Variants in THUMPD2 observed in about 807,000 individuals in gnomAD.
THUMPD2 encodes the protein U6 snRNA (guanine-N(2))-methyltransferase THUMPD2.
A neutral mutation model predicts 49.4 loss-of-function variants in THUMPD2; 56 were observed. The ratio of observed to expected loss-of-function variants is 1.13; its 90% confidence interval spans 0.91 to 1.41. THUMPD2 has a LOEUF of 1.41. Among genes scored for constraint, THUMPD2 ranks in the 40% most tolerant of loss-of-function variants. THUMPD2 has a pLI of 0.00. For synonymous variants in THUMPD2, 237 were observed against 205.2 expected, an observed-to-expected ratio of 1.15 and a Z score of -1.32; for missense variants, 709 against 594.5, an observed-to-expected ratio of 1.19 and a Z score of -2.00.
intron 1 of THUMPD2, among the ~76,000 whole-genome samples, chr2:39,776,025 G>A (rs536071076): frequency 6.6e-6 from 1 of 152,182 alleles, no homozygotes; most frequent in East Asian, 1.9e-4. Flanking sequence ...GACTCTTCTG[G>A]TGAACTGACA....
chr2:39,745,644 G>A (rs745769323), intron 8 of THUMPD2, among the ~76,000 whole-genome samples: 2 of 152,164 alleles, frequency 1.3e-5, no homozygotes, highest in Non-Finnish European at 2.9e-5. Flanking sequence ...TACACACACA[G>A]TACCTACGTA....
intron 1 of THUMPD2, 45 bp downstream of exon 1, chr2:39,779,069 G>A (rs141370494): frequency 4.7e-6 from 7 of 1,474,138 alleles, no homozygotes; most frequent in South Asian, 1.3e-5. Context: ...ACAGGGCAGG[G>A]ACAGGGCCGC....
At chr2:39,776,398 T>A (rs1679098995) in intron 1 of THUMPD2, among the ~76,000 whole-genome samples, 1 of 150,840 alleles carries the variant, frequency 6.6e-6, no homozygotes, top group South Asian at 2.1e-4. Flanking sequence ...TATACTATTT[T>A]TTTTTTTTTT....
intron 8 of THUMPD2, among the ~76,000 whole-genome samples, chr2:39,747,878 T>C (rs1187307654): frequency 6.6e-6 from 1 of 152,198 alleles, no homozygotes; most frequent in Non-Finnish European, 1.5e-5. Flanking sequence ...ATTTAGATGA[T>C]ACAAAATTAA....
At chr2:39,761,482 T>C (rs1676818697) in intron 5 of THUMPD2, 64 bp from the exon 6 acceptor site, 1 of 1,425,702 alleles carries the variant, frequency 7.0e-7, no homozygotes, top group Non-Finnish European at 9.9e-7. Context: ...AAAAATGATT[T>C]ACCTGTCCAA....
rs141968327 is a variant in THUMPD2, at chr2:39,739,056, T to C, written c.1188-1997A>G. On this transcript the variant is annotated intron_variant, in intron 9 of 9. Transcript: ENST00000505747. ...ATCACATATTTGTCTACTTCATTCATAGTTTGCCTGGACCACAGCAACAAT... is the reference window on the plus strand; with the variant it reads ...ATCACATATTTGTCTACTTCATTCACAGTTTGCCTGGACCACAGCAACAAT... Among the ~76,000 whole-genome samples the C allele has an allele frequency of 1.5e-4, 23 of 152,326 alleles. 1 individual carries two copies. Among genetic ancestry groups the C allele is most frequent in the Non-Finnish European group, 2.6e-4 (18 of 68,026 alleles).
At chr2:39,759,884 C>T (rs1307174804) in intron 6 of THUMPD2, among the ~76,000 whole-genome samples, 1 of 152,158 alleles carries the variant, frequency 6.6e-6, no homozygotes, top group Non-Finnish European at 1.5e-5. Flanking sequence ...TTAAATACCA[C>T]ATTTGAGGAA....
At chr2:39,742,746 A>T (rs1302291974) in intron 9 of THUMPD2, among the ~76,000 whole-genome samples, 1 of 152,188 alleles carries the variant, frequency 6.6e-6, no homozygotes, top group African/African-American at 2.4e-5. Context: ...TTTAAGAACT[A>T]CCAATGCTTG....
In THUMPD2 at chr2:39,766,107, G is replaced by C; in HGVS notation, c.753C>G (p.Ile251Met). The C allele has an allele frequency of 6.4e-7, 1 of 1,569,936 alleles. No individual in the cohort carries two copies. Among genetic ancestry groups the C allele is most frequent in the Non-Finnish European group, 8.6e-7 (1 of 1,164,160 alleles). ...AGTAAATGTCATTTAGATGTATAAAGATCTGAAAGAACAAACACAGAAGTT... is the reference window on the plus strand; with the variant it reads ...AGTAAATGTCATTTAGATGTATAAACATCTGAAAGAACAAACACAGAAGTT... The part of the protein sequence containing the change: ...KADLRNPQLE[I>M]FIHLNDIYSV... The change falls in exon 5 of 10, where the codon ATC becomes ATG. Residue 251 changes from isoleucine (I) to methionine (M), a missense_variant and splice_region_variant. Coordinates refer to ENST00000505747, the MANE Select transcript of THUMPD2 (RefSeq NM_025264.5).
At chr2:39,778,403 C>T (rs932095332) in intron 1 of THUMPD2, among the ~76,000 whole-genome samples, 1 of 152,194 alleles carries the variant, frequency 6.6e-6, no homozygotes, top group Non-Finnish European at 1.5e-5. Flanking sequence ...TAGGAGCTGC[C>T]AGGGTGGAGG....
At chr2:39,751,935 C>A (rs566276484) in intron 8 of THUMPD2, among the ~76,000 whole-genome samples, 49 of 152,204 alleles carry the variant, frequency 3.2e-4, no homozygotes, top group African/African-American at 1.1e-3. Flanking sequence ...GATCTGCCTG[C>A]CTCAGCCTTC....
chr2:39,742,477 T>TA (rs1309410394), intron 9 of THUMPD2, among the ~76,000 whole-genome samples: 1 of 152,210 alleles, frequency 6.6e-6, no homozygotes, highest in African/African-American at 2.4e-5. Flanking sequence ...CAGGCTGGTA[T>TA]AATTTACTAG....
At position 39,751,234 on chromosome 2, in the gene THUMPD2, A is replaced by G. The variant is rs917923900; in HGVS notation, c.1078+4061T>C. Among the ~76,000 whole-genome samples the G allele has an allele frequency of 2.0e-5, 3 of 152,268 alleles. No individual in the cohort carries two copies. In the South Asian group the frequency reaches 6.2e-4, roughly 31 times the overall value. On this transcript the variant is annotated intron_variant, in intron 8 of 9. Transcript: ENST00000505747. ...GCCAGCAGAGGCATGACAGGCAGCA[A>G]GGAGAAAACAAACCAGTATGAAAGA...
chr2:39,738,608 T>C (rs1673465859), intron 9 of THUMPD2, among the ~76,000 whole-genome samples: 1 of 135,308 alleles, frequency 7.4e-6, no homozygotes, highest in Admixed American at 7.6e-5. Flanking sequence ...TAAAAATATA[T>C]ATATAATATA....
chr2:39,777,531 T>C lies in THUMPD2; in HGVS notation c.126+1583A>G, dbSNP rs61178440. 6.6e-3 allele frequency among the ~76,000 whole-genome samples: 1,005 copies of C among 152,326 alleles called. 13 individuals are homozygous for C. The highest frequency in any genetic ancestry group is 0.023 in the African/African-American group (943 of 41,570). On this transcript the variant is annotated intron_variant, in intron 1 of 9. Transcript: ENST00000505747. ...TAGGAGTCTTTTGAGGATTAAATCA[T>C]AACATGCACATAACTTGTCTAACAT...
At chr2:39,752,038 T>TTA (rs1380015689) in intron 8 of THUMPD2, among the ~76,000 whole-genome samples, 1 of 152,162 alleles carries the variant, frequency 6.6e-6, no homozygotes, top group Non-Finnish European at 1.5e-5. Flanking sequence ...AAGTGAATGC[T>TTA]TATTAAAAAG....
chr2:39,750,974 C>T (rs1347524807), intron 8 of THUMPD2, among the ~76,000 whole-genome samples: 1 of 152,148 alleles, frequency 6.6e-6, no homozygotes, highest in Non-Finnish European at 1.5e-5. Flanking sequence ...TGTTACCAAA[C>T]AATAAAAAAG....
intron 9 of THUMPD2, among the ~76,000 whole-genome samples, chr2:39,738,642 C>CAT (rs60242381): frequency 6.8e-6 from 1 of 146,536 alleles, no homozygotes; most frequent in East Asian, 2.0e-4. Context: ...CATATAAATA[C>CAT]ATAATTTATA....
chr2:39,774,178 T>C (rs1312907565), intron 1 of THUMPD2, among the ~76,000 whole-genome samples: 1 of 152,268 alleles, frequency 6.6e-6, no homozygotes, highest in Non-Finnish European at 1.5e-5. Context: ...TGCCCTGAGC[T>C]GCCAAGATAG....
Sources: allele counts gnomAD v4.1 joint callset (sites outside exome capture counted in the v4.1 genomes callset), GRCh38; gene constraint gnomAD v4.1.1; transcripts MANE v1.5; gene names NCBI Gene and HGNC (gene_info 2026-07-23, HGNC 2026-07-21).